Variants in DNM1 observed in about 807,000 individuals in gnomAD.
DNM1 encodes the protein dynamin 1.
In DNM1, 29 loss-of-function variants were observed where a neutral mutation model predicts 104.6. That is an observed-to-expected ratio of 0.28 (90% CI 0.21 to 0.38). DNM1 has a LOEUF of 0.38. Among genes scored for constraint, DNM1 ranks in the 10% least tolerant of loss-of-function variants. DNM1 has a pLI of 1.00. For synonymous variants in DNM1, 445 were observed against 475.8 expected (o/e 0.94, Z 0.84); for missense variants, 640 against 1,189.4 (o/e 0.54, Z 6.79).
chr9:128,222,665 C>T lies in DNM1; in HGVS notation c.1128+69C>T, dbSNP rs926326847. 34 of 1,604,308 alleles carry T rather than the reference C, an allele frequency of 2.1e-5. No homozygotes were observed. The highest frequency in any genetic ancestry group is 1.6e-4 in the East Asian group (7 of 44,760). On this transcript the variant is annotated intron_variant, in intron 8 of 21. Coordinates refer to ENST00000372923, the MANE Select transcript of DNM1 (RefSeq NM_004408.4). The surrounding 1 kb of genome is among the most constrained non-coding windows in gnomAD (Gnocchi z 7.8). ...CCACCCTCACTCAGGACTCTCTCTG[C>T]GTGTGTTTTTGCTGGCCCCCACCCC...
At chr9:128,217,374 G>A (rs1434279333) in intron 1 of DNM1, among the ~76,000 whole-genome samples, 3 of 152,156 alleles carry the variant, frequency 2.0e-5, no homozygotes, top group African/African-American at 7.2e-5. Flanking sequence ...CCCACTAAGC[G>A]CCTGGCATGC....
intron 10 of DNM1, among the ~76,000 whole-genome samples, chr9:128,226,795 A>G (rs1358554575): frequency 3.3e-5 from 5 of 151,996 alleles, no homozygotes. Flanking sequence ...GCTTTTGGGC[A>G]TTTTGAGGAT....
At chr9:128,250,616 A>T in intron 20 of DNM1, 109 bp from the exon 21 acceptor site, 1 of 1,064,770 alleles carries the variant, frequency 9.4e-7, no homozygotes, top group Non-Finnish European at 1.3e-6. Flanking sequence ...TGCGGCAGGG[A>T]GGGGCTTGCG....
At chr9:128,246,372 T>C in intron 15 of DNM1, 22 bp from the exon 16 acceptor site, 1 of 1,567,922 alleles carries the variant, frequency 6.4e-7, no homozygotes, top group Non-Finnish European at 8.8e-7. Flanking sequence ...CCTCACCCCA[T>C]TGCTCCTACC....
chr9:128,220,100 G>A lies in DNM1; in HGVS notation c.688+14G>A, dbSNP rs1487237145. On this transcript the variant is annotated intron_variant, in intron 5 of 21. Transcript: ENST00000372923. This position sits in a 1 kb window ranked among gnomAD's most constrained non-coding sequence, Gnocchi z 5.2. ...CCCTGCGCAGAGGTAAGCAGGCCAT[G>A]CCCCTCAACCACTCCCCAGCCCTTC... 1.2e-6 allele frequency: 2 copies of A among 1,612,814 alleles called. No homozygotes were observed. Among genetic ancestry groups the A allele is most frequent in the South Asian group, 1.1e-5 (1 of 91,028 alleles).
Position 128,220,306 on chromosome 9 carries a change from A to G in DNM1, c.814A>G (p.Met272Val). Residue 272 changes from methionine to valine, a missense_variant, in exon 6 of 22, where the codon ATG becomes GTG. Transcript: ENST00000372923. This position sits in a 1 kb window ranked among gnomAD's most constrained non-coding sequence, Gnocchi z 5.2. Reference protein sequence around the residue: ...HPSYRHLADRMGTPYLQKVLN... With the variant: ...HPSYRHLADRVGTPYLQKVLN... ...ATCTTATCGCCACTTGGCTGACCGT[A>G]TGGGCACGCCCTACCTGCAGAAGGT... 1 of 1,614,224 alleles carries G rather than the reference A, an allele frequency of 6.2e-7. No homozygotes were observed. Among genetic ancestry groups the G allele is most frequent in the Non-Finnish European group, 8.5e-7 (1 of 1,180,046 alleles).
rs1459252077 is a variant in DNM1 at position 128,222,057 on chromosome 9, G to GCT, written c.850-139_850-138dup. The GCT allele has an allele frequency of 6.2e-6, 6 of 966,044 alleles. No homozygotes were observed. Among genetic ancestry groups the GCT allele is most frequent in the Non-Finnish European group, 1.5e-6 (1 of 659,750 alleles). The allele number at this position is 966,044 out of a possible 1,614,324, so 59.8% of individuals were successfully genotyped here. On this transcript the variant is annotated intron_variant, in intron 6 of 21. Transcript: ENST00000372923. This position sits in a 1 kb window ranked among gnomAD's most constrained non-coding sequence, Gnocchi z 7.8. ...GCTCCTTCTATGAACCAGTTTTCTT[G>GCT]CTAGTGGCCCGGGCAGCAGTGGCAG...
intron 1 of DNM1, among the ~76,000 whole-genome samples, chr9:128,212,981 T>C (rs962340773): frequency 5.3e-5 from 8 of 152,174 alleles, no homozygotes; most frequent in African/African-American, 1.9e-4. Flanking sequence ...TGTTTAGCCA[T>C]GATGATGATG....
At chr9:128,250,464 T>C in intron 20 of DNM1, 108 bp downstream of exon 20, 2 of 1,243,944 alleles carry the variant, frequency 1.6e-6, no homozygotes, top group Middle Eastern at 2.8e-4. Context: ...GGCTCCCACC[T>C]GGAGCGAGGG....
intron 11 of DNM1, 116 bp downstream of exon 11, chr9:128,234,223 T>C (rs1188019533): frequency 1.1e-5 from 9 of 809,788 alleles, no homozygotes; most frequent in Non-Finnish European, 1.9e-6. Context: ...TGTCTCAGTC[T>C]TCCTCTGTCT....
Position 128,250,836 on chromosome 9 carries a change from G to T in DNM1, c.2430G>T (p.Gly810=). 5.3e-6 allele frequency: 7 copies of T among 1,309,166 alleles called. No individual in the cohort carries two copies. The highest frequency in any genetic ancestry group is 6.7e-6 in the Non-Finnish European group (7 of 1,037,986). 81.1% of individuals were successfully genotyped at this position (1,309,166 alleles called of 1,614,324 possible). ...CTCCGCCTGCTGGGTCCGCCCTGGGGGGGGCGCCCCCCGTGCCCTCCAGGC... is the reference window on the plus strand; with the variant it reads ...CTCCGCCTGCTGGGTCCGCCCTGGGTGGGGCGCCCCCCGTGCCCTCCAGGC... ...PGPPPAGSAL[G]GAPPVPSRPG... Residue 810 remains glycine, a synonymous_variant, in exon 21 of 22, where the codon GGG becomes GGT. Transcript: ENST00000372923.
chr9:128,225,288 C>T (rs1381678160), intron 10 of DNM1, among the ~76,000 whole-genome samples: 2 of 152,224 alleles, frequency 1.3e-5, no homozygotes, highest in Non-Finnish European at 2.9e-5. Flanking sequence ...TCTTCTCTTT[C>T]TGTCTTTTGG....
At position 128,222,794 on chromosome 9, in the gene DNM1, T is replaced by C. The variant is rs1465473578; in HGVS notation, c.1130T>C (p.Met377Thr). The change falls in exon 9 of 22, where the codon ATG becomes ACG. Residue 377 changes from methionine (M) to threonine (T), a missense_variant and splice_region_variant. By Grantham distance (81) the Met-to-Thr change is moderately conservative. This residue lies in a region of DNM1 where 38 missense variants were observed against 113.5 expected (regional missense o/e 0.33). Transcript: ENST00000372923. The surrounding 1 kb of genome is among the most constrained non-coding windows in gnomAD (Gnocchi z 7.8). ...GCTTTTCTCTGCTTTTCTACACAGA[T>C]GGAGTTTGATGAGAAGGAACTCCGA... Reference protein sequence around the residue: ...HERFPFELVKMEFDEKELRRE... With the variant: ...HERFPFELVKTEFDEKELRRE... The C allele has an allele frequency of 6.2e-7, 1 of 1,613,994 alleles. No homozygotes were observed. The highest frequency in any genetic ancestry group is 8.5e-7 in the Non-Finnish European group (1 of 1,180,002).
intron 1 of DNM1, among the ~76,000 whole-genome samples, chr9:128,210,745 T>C (rs1490733573): frequency 1.3e-5 from 2 of 152,252 alleles, no homozygotes; most frequent in Non-Finnish European, 1.5e-5. Context: ...GGAACAGGCA[T>C]GGGTCTCCTG....
chr9:128,226,322 A>G lies in DNM1; in HGVS notation c.1335+1933A>G. On this transcript the variant is annotated intron_variant, in intron 10 of 21. Coordinates refer to ENST00000372923, the MANE Select transcript of DNM1 (RefSeq NM_004408.4). The stretch of plus-strand genomic sequence containing the variant: ...TTCCTGCCAGTTTCTAACCCTGGGT[A>G]CTTGCACTCATGACCCCTCCAGGCC... 2.3e-6 allele frequency: 3 copies of G among 1,282,386 alleles called. No individual in the cohort carries two copies. In the South Asian group the frequency reaches 4.6e-5, roughly 20 times the overall value. 79.4% of individuals were successfully genotyped at this position (1,282,386 alleles called of 1,614,324 possible). A position where few individuals can be genotyped will look rare whatever the true frequency, so the allele number is the denominator to read the frequency against.
chr9:128,224,503 C>T lies in DNM1; in HGVS notation c.1335+114C>T, dbSNP rs1159983331. ...CCTCGGTAGCATGTACAGACCTCAG[C>T]GGGGTGGGGAGGCAGGCCACCACTG... is the stretch of plus-strand genomic sequence containing the variant. On this transcript the variant is annotated intron_variant, in intron 10 of 21. Coordinates refer to ENST00000372923, the MANE Select transcript of DNM1 (RefSeq NM_004408.4). The surrounding 1 kb of genome is among the most constrained non-coding windows in gnomAD (Gnocchi z 4.3). 1.7e-5 allele frequency: 18 copies of T among 1,054,898 alleles called. No homozygotes were observed. Among genetic ancestry groups the T allele is most frequent in the African/African-American group, 1.6e-5 (1 of 62,748 alleles). The allele number at this position is 1,054,898 out of a possible 1,614,324, so 65.3% of individuals were successfully genotyped here. A position where few individuals can be genotyped will look rare whatever the true frequency, so the allele number is the denominator to read the frequency against.
intron 1 of DNM1, among the ~76,000 whole-genome samples, chr9:128,215,496 C>A (rs1834549260): frequency 6.6e-6 from 1 of 152,242 alleles, no homozygotes; most frequent in African/African-American, 2.4e-5. Context: ...GAGATCTTGG[C>A]TCTGGGAGGG....
chr9:128,222,442 C>T lies in DNM1; in HGVS notation c.993-19C>T, dbSNP rs1835081298. On this transcript the variant is annotated intron_variant, in intron 7 of 21. Transcript: ENST00000372923. The surrounding 1 kb of genome is among the most constrained non-coding windows in gnomAD (Gnocchi z 7.8). The stretch of plus-strand genomic sequence containing the variant: ...CTGGGCTGCTCCTGCCCCCTCAGGC[C>T]ACACCACTCTCCCACCAGGATGGTC... 2 of 1,613,740 alleles carry T rather than the reference C, an allele frequency of 1.2e-6. No homozygotes were observed. Among genetic ancestry groups the T allele is most frequent in the South Asian group, 1.1e-5 (1 of 91,066 alleles).
chr9:128,252,693 C>T (rs1829600023), intron 21 of DNM1: 32 of 473,592 alleles, frequency 6.8e-5, no homozygotes, highest in South Asian at 5.1e-4. Flanking sequence ...GGAGAAATGA[C>T]AGCTGGACTT....
Sources: gnomAD v4.1 joint callset for allele counts (sites outside exome capture counted in the v4.1 genomes callset) on GRCh38, gnomAD v4.1.1 for gene constraint, gnomAD v4.1.1 regional missense constraint, Gnocchi (gnomAD v3.1) non-coding constraint, MANE v1.5 for transcripts, NCBI Gene and HGNC (gene_info 2026-07-23, HGNC 2026-07-21) for gene names.